NOL4L: variants seen among roughly 807,000 people sequenced by gnomAD.
The protein encoded by NOL4L is nucleolar protein 4 like.
In NOL4L, 7 loss-of-function variants were observed where a neutral mutation model predicts 64.5. That is an observed-to-expected ratio of 0.11 (90% CI 0.06 to 0.20). The LOEUF (loss-of-function observed/expected upper bound fraction) is 0.20, where lower values mean the gene tolerates loss of function less well. Ranked by LOEUF, NOL4L falls within the 10% of genes least tolerant of loss-of-function variation. The pLI is 1.00. For synonymous variants in NOL4L, 413 were observed against 401.0 expected (o/e 1.03, Z -0.36); for missense variants, 680 against 967.1 (o/e 0.70, Z 3.94).
At position 32,443,833 on chromosome 20, in the gene NOL4L, C is replaced by G. The variant is rs992480975; in HGVS notation, c.*3763G>C. The G allele has an allele frequency of 1.3e-5, 2 of 152,264 alleles. No individual in the cohort carries two copies. The highest frequency in any genetic ancestry group is 2.9e-5 in the Non-Finnish European group (2 of 68,106). The allele number at this position is 152,264 out of a possible 1,614,324, so 9.4% of individuals were successfully genotyped here. On this transcript the variant is annotated 3_prime_UTR_variant, in exon 11 of 11. Coordinates refer to ENST00000621426, the MANE Select transcript of NOL4L (RefSeq NM_001256798.2). ...CAGCAAAGTCCTGCCTTCCCTTTTC[C>G]TCTGTCCATGCAGTTACCCACCAGC...
intron 5 of NOL4L, among the ~76,000 whole-genome samples, chr20:32,474,352 C>A (rs569918604): frequency 6.6e-6 from 1 of 152,372 alleles, no homozygotes; most frequent in Non-Finnish European, 1.5e-5. Context: ...GCAGACCCCC[C>A]GCCCCGCAGG....
chr20:32,520,745 G>A (rs545651628), intron 3 of NOL4L, 66 bp downstream of exon 3: 40 of 979,852 alleles, frequency 4.1e-5, no homozygotes, highest in Middle Eastern at 2.4e-4. Context: ...AAAAGCTGGC[G>A]TCTTCAGGGA....
intron 4 of NOL4L, among the ~76,000 whole-genome samples, chr20:32,478,188 C>A (rs1324860880): frequency 1.3e-5 from 2 of 151,532 alleles, no homozygotes; most frequent in African/African-American, 4.9e-5. Context: ...TCCTTAACAA[C>A]CAAGTGTCTC....
chr20:32,475,160 A>AC, intron 4 of NOL4L: 2 of 985,438 alleles, frequency 2.0e-6, no homozygotes, highest in Non-Finnish European at 2.4e-6. Flanking sequence ...CATGCCCGCC[A>AC]CCAGGCACTG....
At chr20:32,447,961 T>C (rs2012469480) in intron 10 of NOL4L, 145 bp from the exon 11 acceptor site, 4 of 1,082,756 alleles carry the variant, frequency 3.7e-6, no homozygotes, top group Non-Finnish European at 5.1e-6. Flanking sequence ...TCCATCTCCC[T>C]GATGGCTCTA....
chr20:32,488,808 T>TC (rs1568648336), intron 4 of NOL4L, among the ~76,000 whole-genome samples: 3 of 22,988 alleles, frequency 1.3e-4, no homozygotes, highest in East Asian at 2.3e-3. Context: ...TCTTTCTTTT[T>TC]CTTTCTTTCT....
intron 4 of NOL4L, among the ~76,000 whole-genome samples, chr20:32,482,962 TACCGC>T (rs1009563776): frequency 2.0e-5 from 3 of 150,426 alleles, no homozygotes; most frequent in African/African-American, 7.4e-5. Context: ...CGTGGCACAA[TACCGC>T]GGCGCTGCGC....
Position 32,474,712 on chromosome 20 carries a change from CA to C in NOL4L, c.729del (p.Phe243LeufsTer3). 6.2e-7 allele frequency: 1 copy of C among 1,613,306 alleles called. No individual in the cohort carries two copies. Among genetic ancestry groups the C allele is most frequent in the Non-Finnish European group, 8.5e-7 (1 of 1,179,684 alleles). On this transcript the variant is annotated frameshift_variant, in exon 5 of 11. Transcript: ENST00000621426. LOFTEE classifies it high-confidence loss of function. ...QDETSVSSED[F>X]DMSDSTWMSA... is the part of the protein sequence containing the mutation. ...GACATCCATGTGGAGTCGCTCATAT[CA>C]AAATCCTCGCTGCTCACAGAAGTCT... is the stretch of plus-strand genomic sequence containing the variant.
intron 5 of NOL4L, among the ~76,000 whole-genome samples, chr20:32,471,466 C>T (rs568805974): frequency 1.8e-4 from 28 of 152,288 alleles, no homozygotes; most frequent in Admixed American, 1.0e-3. Context: ...CAGTGGTCTC[C>T]GCCATGGGAT....
At chr20:32,465,318 C>T (rs1568615449) in intron 5 of NOL4L, among the ~76,000 whole-genome samples, 1 of 150,722 alleles carries the variant, frequency 6.6e-6, no homozygotes, top group Non-Finnish European at 1.5e-5. Flanking sequence ...AGACAGGCCC[C>T]AAAGCACCAC....
chr20:32,456,064 C>A, intron 6 of NOL4L, 54 bp downstream of exon 6: 1 of 1,446,150 alleles, frequency 6.9e-7, no homozygotes. Context: ...TTCATTCTCG[C>A]CTCGCGACAG....
chr20:32,530,498 G>A (rs1032799795), intron 1 of NOL4L, among the ~76,000 whole-genome samples: 2 of 151,482 alleles, frequency 1.3e-5, no homozygotes, highest in African/African-American at 4.9e-5. Context: ...CCGAGATCGC[G>A]CCACCGCACT....
At chr20:32,473,637 C>A (rs971581785) in intron 5 of NOL4L, among the ~76,000 whole-genome samples, 2 of 152,196 alleles carry the variant, frequency 1.3e-5, no homozygotes, top group Non-Finnish European at 2.9e-5. Flanking sequence ...TGGAGATGAA[C>A]TTTGACCCAA....
At chr20:32,536,826 C>A (rs865842162) in intron 1 of NOL4L, among the ~76,000 whole-genome samples, 1 of 4,254 alleles carries the variant, frequency 2.4e-4, no homozygotes, top group African/African-American at 7.8e-4. Flanking sequence ...ACCAACGGGG[C>A]GGGGGGGGGA....
At chr20:32,491,115 T>C (rs1427752298) in intron 4 of NOL4L, among the ~76,000 whole-genome samples, 1 of 152,154 alleles carries the variant, frequency 6.6e-6, no homozygotes, top group African/African-American at 2.4e-5. Context: ...CAATACAGAC[T>C]CAGGGTTGAC....
chr20:32,539,866 G>A (rs967663139), intron 1 of NOL4L, among the ~76,000 whole-genome samples: 3 of 152,096 alleles, frequency 2.0e-5, no homozygotes, highest in African/African-American at 7.2e-5. Flanking sequence ...CAACTCTATC[G>A]GGCATGGTGT....
At chr20:32,521,025 T>C (rs2017914395) in intron 2 of NOL4L, 103 bp from the exon 3 acceptor site, 1 of 624,018 alleles carries the variant, frequency 1.6e-6, no homozygotes, top group East Asian at 3.1e-5. Context: ...CTTCGGCTCT[T>C]GCAAGGAAAG....
chr20:32,579,437 G>T (rs1980331222), intron 1 of NOL4L, among the ~76,000 whole-genome samples: 1 of 152,186 alleles, frequency 6.6e-6, no homozygotes, highest in Non-Finnish European at 1.5e-5. Context: ...AGAAGCCCAG[G>T]TATGCCTGAG....
intron 6 of NOL4L, 147 bp downstream of exon 6, chr20:32,455,971 G>T (rs942784008): frequency 1.2e-6 from 1 of 845,528 alleles, no homozygotes. Flanking sequence ...ACCAGGAACC[G>T]AACACATACC....
Sources: allele counts gnomAD v4.1 joint callset (sites outside exome capture counted in the v4.1 genomes callset), GRCh38; gene constraint gnomAD v4.1.1; transcripts MANE v1.5; gene names NCBI Gene and HGNC (gene_info 2026-07-23, HGNC 2026-07-21).